Variants in GRM7 observed in about 807,000 individuals in gnomAD.
GRM7 encodes the protein metabotropic glutamate receptor 7.
GRM7 carries 35 observed loss-of-function variants against 84.5 expected under a neutral mutation model. The ratio of observed to expected loss-of-function variants is 0.41; its 90% CI spans 0.32 to 0.55. The LOEUF (loss-of-function observed/expected upper bound fraction) is 0.55. Ranked by LOEUF, GRM7 falls within the 20% of genes least tolerant of loss-of-function variation. The pLI is 0.19. For synonymous variants in GRM7, 487 were observed against 455.1 expected (o/e 1.07, Z -0.89); for missense variants, 1,003 against 1,194.6 (o/e 0.84, Z 2.36).
At chr3:6,946,704 C>G (rs1698094756) in intron 1 of GRM7, among the ~76,000 whole-genome samples, 1 of 152,080 alleles carries the variant, frequency 6.6e-6, no homozygotes, top group Non-Finnish European at 1.5e-5. Flanking sequence ...ATGGAATGTT[C>G]TTCCATTTGT....
intron 7 of GRM7, among the ~76,000 whole-genome samples, chr3:7,504,518 A>G (rs1699981145): frequency 6.6e-6 from 1 of 152,234 alleles, no homozygotes; most frequent in South Asian, 2.1e-4. Context: ...ACAGTTCTGG[A>G]GACTGGGAAG....
chr3:6,993,824 A>T (rs762945785), intron 1 of GRM7, among the ~76,000 whole-genome samples: 1 of 152,182 alleles, frequency 6.6e-6, no homozygotes, highest in Non-Finnish European at 1.5e-5. Flanking sequence ...GCTTTAATTT[A>T]TGTTCTTCCA....
rs899555109 is a variant in GRM7 at position 7,314,466 on chromosome 3, A to G, written c.1033+7814A>G. Among the ~76,000 whole-genome samples, 17 of 152,198 alleles carry G rather than the reference A, an allele frequency of 1.1e-4. 1 individual carries two copies. Among genetic ancestry groups the G allele is most frequent in the African/African-American group, 4.1e-4 (17 of 41,454 alleles). ...GTTAACTGTCTGCTGTTTGTCAGACACTGACTATGGCCAATTGCTGGTGAC... is the reference window on the plus strand; with the variant it reads ...GTTAACTGTCTGCTGTTTGTCAGACGCTGACTATGGCCAATTGCTGGTGAC... On this transcript the variant is annotated intron_variant, in intron 4 of 9. Coordinates refer to ENST00000357716, the MANE Select transcript of GRM7 (RefSeq NM_000844.4).
intron 1 of GRM7, among the ~76,000 whole-genome samples, chr3:6,966,878 A>G (rs538456808): frequency 1.3e-5 from 2 of 152,310 alleles, no homozygotes; most frequent in South Asian, 4.1e-4. Flanking sequence ...TTTATAATGT[A>G]TGTGATCTTT....
At chr3:7,081,591 C>T (rs1698278171) in intron 1 of GRM7, among the ~76,000 whole-genome samples, 1 of 152,036 alleles carries the variant, frequency 6.6e-6, no homozygotes, top group African/African-American at 2.4e-5. Context: ...AATAATCACA[C>T]ATCTCTCACT....
At chr3:7,384,111 C>T (rs950378181) in intron 4 of GRM7, among the ~76,000 whole-genome samples, 2 of 152,182 alleles carry the variant, frequency 1.3e-5, no homozygotes, top group Admixed American at 6.5e-5. Context: ...TCACCACAAC[C>T]TCCACCTCCC....
intron 4 of GRM7, among the ~76,000 whole-genome samples, chr3:7,361,287 T>G (rs1693652880): frequency 6.6e-6 from 1 of 152,082 alleles, no homozygotes; most frequent in African/African-American, 2.4e-5. Flanking sequence ...TGTAGTCACC[T>G]CTACCCTATG....
chr3:6,992,398 CA>C (rs1694674264), intron 1 of GRM7, among the ~76,000 whole-genome samples: 1 of 152,116 alleles, frequency 6.6e-6, no homozygotes, highest in Non-Finnish European at 1.5e-5. Flanking sequence ...GAATTGGACA[CA>C]AATCACAAAA....
intron 4 of GRM7, among the ~76,000 whole-genome samples, chr3:7,377,469 G>A (rs9883258): frequency 0.23 from 35,090 of 152,102 alleles, 4,332 homozygotes; most frequent in East Asian, 0.51. Context: ...ATCAATAGTG[G>A]GTGCTTACGG....
intron 1 of GRM7, among the ~76,000 whole-genome samples, chr3:6,975,310 C>T (rs1693947531): frequency 6.6e-6 from 1 of 152,140 alleles, no homozygotes; most frequent in South Asian, 2.1e-4. Context: ...CTTGAAAGGT[C>T]ACAAAGTAAC....
At chr3:6,982,849 A>T (rs1694259942) in intron 1 of GRM7, among the ~76,000 whole-genome samples, 1 of 152,172 alleles carries the variant, frequency 6.6e-6, no homozygotes. Flanking sequence ...TTTTATTTTA[A>T]AGATACATCA....
At chr3:7,617,112 G>A (rs972578789) in intron 8 of GRM7, among the ~76,000 whole-genome samples, 1 of 152,078 alleles carries the variant, frequency 6.6e-6, no homozygotes, top group African/African-American at 2.4e-5. Context: ...TATGCTGGAG[G>A]TTGCAATTCT....
At chr3:7,206,196 G>A (rs1041985388) in intron 2 of GRM7, among the ~76,000 whole-genome samples, 16 of 152,042 alleles carry the variant, frequency 1.1e-4, no homozygotes, top group Admixed American at 8.5e-4. Context: ...TTATTAGATC[G>A]CTCATTAGAA....
chr3:7,635,736 C>A lies in GRM7; in HGVS notation c.2452-44313C>A, dbSNP rs1420323033. ...TTGCCCAGGCTAGAGTGCAGTGGCA[C>A]AATCATAGTTCACTGCAACCTCAAA... On this transcript the variant is annotated intron_variant, in intron 8 of 9. Coordinates refer to ENST00000357716, the MANE Select transcript of GRM7 (RefSeq NM_000844.4). Among the ~76,000 whole-genome samples the A allele has an allele frequency of 2.0e-5, 3 of 152,088 alleles. No individual in the cohort carries two copies. The East Asian group carries it at 5.8e-4, about 29-fold the overall frequency.
At chr3:7,476,440 G>C (rs923536553) in intron 7 of GRM7, among the ~76,000 whole-genome samples, 7 of 152,084 alleles carry the variant, frequency 4.6e-5, no homozygotes, top group Non-Finnish European at 7.4e-5. Flanking sequence ...TTAGCTACTT[G>C]GGAGGCCAAG....
At chr3:6,864,140 A>C (rs1324796807) in intron 1 of GRM7, among the ~76,000 whole-genome samples, 1 of 152,160 alleles carries the variant, frequency 6.6e-6, no homozygotes, top group East Asian at 1.9e-4. Context: ...ATTTTCCTCT[A>C]ATTTGCAAAT....
At chr3:6,957,434 G>A (rs999587956) in intron 1 of GRM7, among the ~76,000 whole-genome samples, 5 of 152,152 alleles carry the variant, frequency 3.3e-5, no homozygotes, top group African/African-American at 1.2e-4. Context: ...TCTGCAAAAC[G>A]CTCCCTCTGC....
At chr3:7,050,056 G>T (rs1474262210) in intron 1 of GRM7, among the ~76,000 whole-genome samples, 1 of 151,860 alleles carries the variant, frequency 6.6e-6, no homozygotes, top group Non-Finnish European at 1.5e-5. Flanking sequence ...CACTCCTGTT[G>T]CTGGGTAGTA....
chr3:7,577,409 C>T (rs2125051608), intron 7 of GRM7, among the ~76,000 whole-genome samples: 1 of 152,248 alleles, frequency 6.6e-6, no homozygotes, highest in South Asian at 2.1e-4. Flanking sequence ...AGGTCATGTG[C>T]ACAACCCAAG....
Sources: allele counts gnomAD v4.1 joint callset (sites outside exome capture counted in the v4.1 genomes callset), GRCh38; gene constraint gnomAD v4.1.1; transcripts MANE v1.5; gene names NCBI Gene and HGNC (gene_info 2026-07-23, HGNC 2026-07-21).